SHISA6: variants seen among roughly 807,000 people sequenced by gnomAD.
The protein encoded by SHISA6 is shisa family member 6.
In SHISA6, 22 loss-of-function variants were observed where a neutral mutation model predicts 47.9. That is an observed-to-expected ratio of 0.46 (90% CI 0.33 to 0.66). SHISA6 has a LOEUF of 0.66. Ranked by LOEUF, SHISA6 falls within the 30% of genes least tolerant of loss-of-function variation. The pLI, the probability that SHISA6 is intolerant of heterozygous loss-of-function variation, is 0.02. For missense variants in SHISA6, 680 were observed against 764.6 expected (o/e 0.89, Z 1.30); for synonymous variants, 388 against 337.8 (o/e 1.15, Z -1.63).
chr17:11,406,984 G>A, intron 3 of SHISA6, among the ~76,000 whole-genome samples: 1 of 152,084 alleles, frequency 6.6e-6, no homozygotes, highest in East Asian at 1.9e-4. Flanking sequence ...GATAATTATG[G>A]CAGAAGTCTA....
intron 3 of SHISA6, among the ~76,000 whole-genome samples, chr17:11,453,100 C>A (rs1241826917): frequency 6.6e-6 from 1 of 152,108 alleles, no homozygotes; most frequent in Admixed American, 6.6e-5. Context: ...TCAGCCTTTC[C>A]TCCCCTCTTA....
chr17:11,555,112 G>A (rs1187184951), intron 4 of SHISA6, among the ~76,000 whole-genome samples: 1 of 152,088 alleles, frequency 6.6e-6, no homozygotes, highest in African/African-American at 2.4e-5. Flanking sequence ...GATGGCTAAG[G>A]GGGCTTCAGA....
intron 2 of SHISA6, among the ~76,000 whole-genome samples, chr17:11,296,094 T>A (rs568636981): frequency 6.6e-6 from 1 of 151,526 alleles, no homozygotes; most frequent in Non-Finnish European, 1.5e-5. Context: ...GACTCCTGCG[T>A]AGTGGAAGAA....
At chr17:11,470,931 C>T (rs1187348040) in intron 3 of SHISA6, among the ~76,000 whole-genome samples, 2 of 151,768 alleles carry the variant, frequency 1.3e-5, no homozygotes, top group East Asian at 1.9e-4. Flanking sequence ...AGAAAGAGGC[C>T]GGGTGTGGTG....
chr17:11,469,202 G>A (rs367803014), intron 3 of SHISA6, among the ~76,000 whole-genome samples: 3 of 152,166 alleles, frequency 2.0e-5, no homozygotes, highest in East Asian at 3.9e-4. Context: ...TGGCAAAAGA[G>A]ATATAATATT....
In SHISA6 at chr17:11,561,281, A is replaced by C. The variant is rs1253873644; in HGVS notation, c.*2977A>C. On this transcript the variant is annotated 3_prime_UTR_variant, in exon 6 of 6. Transcript: ENST00000441885. ...CCCAAGATTTCCCTCTCCTTGTTTTATTCATTTTTGCACATCTCTGTTGCT... is the reference window on the plus strand; with the variant it reads ...CCCAAGATTTCCCTCTCCTTGTTTTCTTCATTTTTGCACATCTCTGTTGCT... The C allele has an allele frequency of 6.6e-6, 1 of 152,264 alleles. No individual in the cohort carries two copies. Among genetic ancestry groups the C allele is most frequent in the African/African-American group, 2.4e-5 (1 of 41,438 alleles). The allele number at this position is 152,264 out of a possible 1,614,324, so 9.4% of individuals were successfully genotyped here. A position where few individuals can be genotyped will look rare whatever the true frequency, so the allele number is the denominator to read the frequency against.
intron 3 of SHISA6, among the ~76,000 whole-genome samples, chr17:11,508,467 T>C (rs1477242649): frequency 7.2e-6 from 1 of 138,010 alleles, no homozygotes; most frequent in African/African-American, 2.7e-5. Context: ...CTTCATACCA[T>C]CATATCCTGA....
chr17:11,250,125 G>T (rs1385388447), intron 1 of SHISA6, among the ~76,000 whole-genome samples: 1 of 152,212 alleles, frequency 6.6e-6, no homozygotes, highest in Non-Finnish European at 1.5e-5. Context: ...GGGTGAAAAA[G>T]TGCACGTCCC....
chr17:11,538,922 T>G (rs1304492360), intron 3 of SHISA6, among the ~76,000 whole-genome samples: 6 of 152,050 alleles, frequency 3.9e-5, no homozygotes, highest in Non-Finnish European at 8.8e-5. Flanking sequence ...CCTCTTTGTT[T>G]TTTTGTTGTT....
chr17:11,246,326 G>A (rs1229466859), intron 1 of SHISA6, among the ~76,000 whole-genome samples: 2 of 151,862 alleles, frequency 1.3e-5, no homozygotes, highest in East Asian at 1.9e-4. Context: ...CCGTCTCTAC[G>A]AAAAACACAA....
intron 3 of SHISA6, among the ~76,000 whole-genome samples, chr17:11,455,148 G>A (rs371673447): frequency 6.6e-6 from 1 of 151,904 alleles, no homozygotes; most frequent in Non-Finnish European, 1.5e-5. Context: ...CAGCCTGGGC[G>A]ACAGAGCAAG....
intron 3 of SHISA6, among the ~76,000 whole-genome samples, chr17:11,545,223 C>T (rs1020991738): frequency 4.0e-5 from 6 of 151,682 alleles, no homozygotes; most frequent in Admixed American, 3.3e-4. Context: ...AGCAATGAAC[C>T]ATTTACATAT....
At chr17:11,395,159 T>A (rs1913527692) in intron 3 of SHISA6, among the ~76,000 whole-genome samples, 1 of 151,970 alleles carries the variant, frequency 6.6e-6, no homozygotes, top group Admixed American at 6.6e-5. Flanking sequence ...AGGACATTCT[T>A]TTACACAGCC....
chr17:11,481,356 G>GTA (rs1417264013), intron 3 of SHISA6, among the ~76,000 whole-genome samples: 34 of 121,208 alleles, frequency 2.8e-4, no homozygotes, highest in African/African-American at 9.9e-4. Context: ...GTGTGTGTGT[G>GTA]TGTGTGTGTG....
At chr17:11,491,777 T>G (rs111473772) in intron 3 of SHISA6, among the ~76,000 whole-genome samples, 15 of 91,552 alleles carry the variant, frequency 1.6e-4, no homozygotes, top group South Asian at 8.6e-4. Context: ...AGTGTTTTTT[T>G]TTTTTTTTTT....
chr17:11,481,362 G>GTATATATATATATATA (rs1481491401), intron 3 of SHISA6, among the ~76,000 whole-genome samples: 36 of 114,582 alleles, frequency 3.1e-4, no homozygotes, highest in African/African-American at 1.2e-3. Context: ...GTGTGTGTGT[G>GTATATATATATATATA]TGTGTATATA....
chr17:11,299,878 G>A (rs1211194726), intron 2 of SHISA6, among the ~76,000 whole-genome samples: 4 of 152,142 alleles, frequency 2.6e-5, no homozygotes, highest in Non-Finnish European at 4.4e-5. Context: ...AGGTGCGGTG[G>A]CTCACGTCTG....
chr17:11,455,960 C>T (rs575305260), intron 3 of SHISA6, among the ~76,000 whole-genome samples: 2 of 152,122 alleles, frequency 1.3e-5, no homozygotes, highest in Admixed American at 1.3e-4. Flanking sequence ...GAGGTTTGAC[C>T]GTAGATGTTC....
intron 3 of SHISA6, among the ~76,000 whole-genome samples, chr17:11,523,188 T>C (rs2071645073): frequency 6.6e-6 from 1 of 152,128 alleles, no homozygotes; most frequent in Non-Finnish European, 1.5e-5. Context: ...TAAAGGCACG[T>C]TCTAGGGCTG....
Sources: allele counts gnomAD v4.1 joint callset (sites outside exome capture counted in the v4.1 genomes callset), GRCh38; gene constraint gnomAD v4.1.1; transcripts MANE v1.5; gene names NCBI Gene and HGNC (gene_info 2026-07-23, HGNC 2026-07-21).